The following DYNC2I1 variants were observed in gnomAD, a reference collection of about 807,000 sequenced individuals.
The protein encoded by DYNC2I1 is dynein 2 intermediate chain 1.
Under a neutral mutation model 133.4 loss-of-function variants are expected in DYNC2I1, and 89 were observed. That is an observed-to-expected ratio of 0.67 (90% CI 0.56 to 0.80). DYNC2I1 has a LOEUF of 0.80. Ranked by LOEUF, DYNC2I1 falls within the 30% of genes least tolerant of loss-of-function variation. The probability of loss-of-function intolerance (pLI) is 0.00; values close to 1 mark genes in which losing one functional copy is unlikely to be tolerated. For missense variants in DYNC2I1, 1,291 were observed against 1,314.5 expected, an observed-to-expected ratio of 0.98 and a Z score of 0.28; for synonymous variants, 504 against 484.3, an observed-to-expected ratio of 1.04 and a Z score of -0.54.
At chr7:158,843,384 C>G in the DYNC2I1 span, among the ~76,000 whole-genome samples, 1 of 152,162 alleles carries the variant, frequency 6.6e-6, no homozygotes, top group African/African-American at 2.4e-5. Flanking sequence ...CCTCAGCCAC[C>G]TGAGTAGCAG....
At chr7:158,917,442 G>A (rs183236427) in intron 14 of DYNC2I1, among the ~76,000 whole-genome samples, 416 of 16,992 alleles carry the variant, frequency 0.024, 47 homozygotes, top group Middle Eastern at 0.036. Flanking sequence ...TCCGCCTCTC[G>A]CTAAACACCT....
At chr7:158,839,748 A>G in the DYNC2I1 span, among the ~76,000 whole-genome samples, 1 of 151,612 alleles carries the variant, frequency 6.6e-6, no homozygotes, top group Non-Finnish European at 1.5e-5. Flanking sequence ...TGAACCCGGG[A>G]GGCGGAGCTT....
chr7:158,909,882 G>A (rs1847220257), intron 11 of DYNC2I1, among the ~76,000 whole-genome samples: 1 of 152,268 alleles, frequency 6.6e-6, no homozygotes. Context: ...AACATCCTAG[G>A]TTTTGGTCGA....
At chr7:158,902,108 C>T (rs1412336975) in intron 9 of DYNC2I1, among the ~76,000 whole-genome samples, 1 of 152,196 alleles carries the variant, frequency 6.6e-6, no homozygotes, top group Non-Finnish European at 1.5e-5. Context: ...TTCACATTCT[C>T]AGCACAAATG....
downstream of DYNC2I1, among the ~76,000 whole-genome samples, chr7:158,957,301 T>C (rs1488981625): frequency 2.0e-5 from 3 of 152,224 alleles, no homozygotes; most frequent in Non-Finnish European, 4.4e-5. Flanking sequence ...AGGCTCCAGG[T>C]CCCGGCTGCT....
chr7:158,935,926 ACGGTGGCCCAAATCCCAGCACTT>A lies in DYNC2I1; in HGVS notation c.2778+1381_2778+1403del, dbSNP rs1334533968. ...ACTAAAAATACAAAGTTATCTGGGC[ACGGTGGCCCAAATCCCAGCACTT>A]CGGGCATCCCAGGCAGGTGGGTCAC... On this transcript the variant is annotated intron_variant, in intron 23 of 24. Transcript: ENST00000407559. 2.6e-5 allele frequency among the ~76,000 whole-genome samples: 4 copies of A among 152,306 alleles called. No homozygotes were observed. The East Asian group carries it at 7.7e-4, about 29-fold the overall frequency.
At chr7:158,841,185 A>ATG in the DYNC2I1 span, among the ~76,000 whole-genome samples, 5 of 31,738 alleles carry the variant, frequency 1.6e-4, no homozygotes, top group African/African-American at 8.3e-4. Flanking sequence ...ATATATATAT[A>ATG]TATATATATA....
rs1009511333 is a variant in DYNC2I1 at position 158,911,169 on chromosome 7, G to A, written c.1461-381G>A. On this transcript the variant is annotated intron_variant, in intron 11 of 24. Transcript: ENST00000407559. Reference sequence around the variant, plus strand: ...GCTGCGTGGTCCGACCATGGTGCAGGTGATTGCATAGTCAGTATGTCAGCT... The same window carrying A: ...GCTGCGTGGTCCGACCATGGTGCAGATGATTGCATAGTCAGTATGTCAGCT... Among the ~76,000 whole-genome samples the A allele has an allele frequency of 5.9e-5, 9 of 152,222 alleles. No homozygotes were observed. The South Asian group carries it at 8.3e-4, about 14-fold the overall frequency.
chr7:158,915,800 G>T lies in DYNC2I1; in HGVS notation c.1791+1479G>T, dbSNP rs1262584066. Among the ~76,000 whole-genome samples the T allele has an allele frequency of 1.2e-4, 15 of 129,256 alleles. No homozygotes were observed. In the East Asian group the frequency reaches 1.2e-3, roughly 10 times the overall value. The allele number at this position is 129,256 out of a possible 152,430, so 84.8% of individuals were successfully genotyped here. A position where few individuals can be genotyped will look rare whatever the true frequency, so the allele number is the denominator to read the frequency against. On this transcript the variant is annotated intron_variant, in intron 14 of 24. Coordinates refer to ENST00000407559, the MANE Select transcript of DYNC2I1 (RefSeq NM_018051.5). The stretch of plus-strand genomic sequence containing the variant: ...AGATTAAGGATGATTGTGAAACGTC[G>T]ACACGCTGGTTGACATTAAGGATGA...
chr7:158,914,365 A>T (rs1342903966), intron 14 of DYNC2I1, 44 bp downstream of exon 14: 2 of 1,499,260 alleles, frequency 1.3e-6, no homozygotes, highest in African/African-American at 2.8e-5. Flanking sequence ...GTAAGTGCTT[A>T]AAGTTTCATT....
At chr7:158,930,141 G>A (rs779021188) in intron 20 of DYNC2I1, among the ~76,000 whole-genome samples, 3 of 151,214 alleles carry the variant, frequency 2.0e-5, no homozygotes, top group Non-Finnish European at 2.9e-5. Flanking sequence ...TTTAGTGTAT[G>A]TACACTCGTA....
At chr7:158,947,458 C>T (rs1851923327), downstream of DYNC2I1, among the ~76,000 whole-genome samples, 2 of 152,188 alleles carry the variant, frequency 1.3e-5, no homozygotes, top group Admixed American at 6.5e-5. Context: ...TTGGTGTCTG[C>T]GAATTCTCAG....
chr7:158,933,536 AG>A (rs1850438270), intron 21 of DYNC2I1, among the ~76,000 whole-genome samples: 1 of 152,240 alleles, frequency 6.6e-6, no homozygotes, highest in Non-Finnish European at 1.5e-5. Context: ...ACCACAGCCA[AG>A]GGAAGACAGA....
chr7:158,892,786 C>G (rs1311424651), intron 8 of DYNC2I1, among the ~76,000 whole-genome samples: 1 of 151,826 alleles, frequency 6.6e-6, no homozygotes, highest in African/African-American at 2.4e-5. Flanking sequence ...ACTAAAAATA[C>G]AAAAATTAGC....
intron 1 of DYNC2I1, among the ~76,000 whole-genome samples, chr7:158,866,555 G>A (rs1842424313): frequency 6.6e-6 from 1 of 152,042 alleles, no homozygotes. Context: ...TTTTATAGCA[G>A]GTCCTATATT....
exon 5 of DYNC2I1, chr7:158,956,714 C>T (rs1852207670): frequency 2.0e-5 from 3 of 152,342 alleles, no homozygotes; most frequent in African/African-American, 7.2e-5. Context: ...GATCCCAGTG[C>T]CCGGTGGGGA....
intron 20 of DYNC2I1, among the ~76,000 whole-genome samples, chr7:158,928,433 A>C (rs1480740131): frequency 6.6e-6 from 1 of 152,222 alleles, no homozygotes; most frequent in Non-Finnish European, 1.5e-5. Flanking sequence ...AGATGAGGGA[A>C]GAGGCCACTT....
At chr7:158,903,760 C>T (rs1846474091) in intron 10 of DYNC2I1, 2 of 152,228 alleles carry the variant, frequency 1.3e-5, no homozygotes, top group African/African-American at 4.8e-5. Context: ...AGCATTAAAG[C>T]TTGTCTGCTC....
chr7:158,945,569 CT>C lies in DYNC2I1; in HGVS notation c.3003-11del. 1 of 1,595,924 alleles carries C rather than the reference CT, an allele frequency of 6.3e-7. No individual in the cohort carries two copies. The highest frequency in any genetic ancestry group is 8.5e-7 in the Non-Finnish European group (1 of 1,171,916). The stretch of plus-strand genomic sequence containing the variant: ...GTGCACTGACCCTCTGCTTCTGCCC[CT>C]CTCCCTGCAGGCTGGTGGCCATGGC... On this transcript the variant is annotated splice_polypyrimidine_tract_variant and intron_variant, in intron 24 of 24. Transcript: ENST00000407559. The surrounding 1 kb of genome is among the most constrained non-coding windows in gnomAD (Gnocchi z 4.1).
Sources: allele counts gnomAD v4.1 joint callset (sites outside exome capture counted in the v4.1 genomes callset), GRCh38; gene constraint gnomAD v4.1.1; non-coding constraint Gnocchi (gnomAD v3.1); transcripts MANE v1.5; gene names NCBI Gene and HGNC (gene_info 2026-07-23, HGNC 2026-07-21).